Variants in NLK observed in about 807,000 individuals in gnomAD.
The protein encoded by NLK is serine/threonine-protein kinase NLK.
NLK carries 11 observed loss-of-function variants against 59.0 expected under a neutral mutation model. The ratio of observed to expected loss-of-function variants is 0.19; its 90% CI spans 0.12 to 0.31. The LOEUF (loss-of-function observed/expected upper bound fraction) is 0.31, where lower values mean the gene tolerates loss of function less well. Ranked by LOEUF, NLK falls within the 10% of genes least tolerant of loss-of-function variation. The pLI is 1.00. For synonymous variants in NLK, 235 were observed against 235.9 expected (o/e 1.00, Z 0.03); for missense variants, 410 against 661.1 (o/e 0.62, Z 4.16).
chr17:28,094,949 G>A (rs1167795894), intron 1 of NLK, among the ~76,000 whole-genome samples: 1 of 152,150 alleles, frequency 6.6e-6, no homozygotes, highest in East Asian at 1.9e-4. Flanking sequence ...GTAGTTCTCA[G>A]TCCACATATT....
chr17:28,044,708 C>G (rs563455181), intron 1 of NLK, among the ~76,000 whole-genome samples: 3 of 152,314 alleles, frequency 2.0e-5, no homozygotes, highest in South Asian at 4.1e-4. Context: ...GTGAACTTAT[C>G]CTTGCCTAAC....
At chr17:28,168,001 C>A (rs1441150602) in intron 5 of NLK, among the ~76,000 whole-genome samples, 11 of 151,756 alleles carry the variant, frequency 7.2e-5, no homozygotes, top group Non-Finnish European at 1.3e-4. Flanking sequence ...TGTATATTGA[C>A]ATAAATATAC....
At position 28,043,133 on chromosome 17, in the gene NLK, C is replaced by T. The variant is rs1396778592; in HGVS notation, c.260C>T (p.Pro87Leu). 6.2e-7 allele frequency: 1 copy of T among 1,610,198 alleles called. No homozygotes were observed. Among genetic ancestry groups the T allele is most frequent in the Non-Finnish European group, 8.5e-7 (1 of 1,178,166 alleles). The change falls in exon 1 of 11, where the codon CCT becomes CTT. Residue 87 changes from proline (P) to leucine (L), a missense_variant. Transcript: ENST00000407008. ...GCTGCAGCTGCAGCCATGTTAAACC[C>T]TGGGCAACAACAGCCATATTTCCCA... The part of the protein sequence containing the change: ...AAAAAAAMLN[P>L]GQQQPYFPSP...
At chr17:28,118,309 T>G (rs1905870381) in intron 1 of NLK, among the ~76,000 whole-genome samples, 2 of 152,280 alleles carry the variant, frequency 1.3e-5, no homozygotes, top group Non-Finnish European at 2.9e-5. Context: ...CAACTTTATG[T>G]GAATAGAATT....
chr17:28,111,903 GTGTGT>G (rs1905529839), intron 1 of NLK, among the ~76,000 whole-genome samples: 4 of 89,396 alleles, frequency 4.5e-5, no homozygotes, highest in Non-Finnish European at 1.0e-4. Flanking sequence ...TGTGGTGTGT[GTGTGT>G]GTGTGTGTGT....
At chr17:28,070,273 A>G (rs901010099) in intron 1 of NLK, among the ~76,000 whole-genome samples, 5 of 151,990 alleles carry the variant, frequency 3.3e-5, no homozygotes, top group African/African-American at 1.2e-4. Context: ...TGCCAAGGTC[A>G]TGAAACTATT....
chr17:28,126,224 C>G (rs1000967439), intron 2 of NLK, among the ~76,000 whole-genome samples: 1 of 152,148 alleles, frequency 6.6e-6, no homozygotes, highest in African/African-American at 2.4e-5. Flanking sequence ...AGCTGGACAA[C>G]CAAAACCTAG....
chr17:28,185,894 A>G (rs921101270), intron 8 of NLK, among the ~76,000 whole-genome samples: 3 of 152,234 alleles, frequency 2.0e-5, no homozygotes, highest in South Asian at 4.1e-4. Flanking sequence ...TATATTGCAT[A>G]AGGAAATGTT....
rs775149069 is a variant in NLK, at chr17:28,185,276, T to G, written c.1236+11T>G. 4.7e-5 allele frequency: 68 copies of G among 1,450,468 alleles called. No homozygotes were observed. Among genetic ancestry groups the G allele is most frequent in the Non-Finnish European group, 5.9e-5 (63 of 1,067,914 alleles). 89.8% of individuals were successfully genotyped at this position (1,450,468 alleles called of 1,614,324 possible). ...TTGGTCTTTGATCCAGTAAGTAGTG[T>G]TTTTTTTTATATATTTTTAATGAAT... On this transcript the variant is annotated intron_variant, in intron 8 of 10. Transcript: ENST00000407008.
At chr17:28,046,412 T>C (rs1053503083) in intron 1 of NLK, among the ~76,000 whole-genome samples, 1 of 152,222 alleles carries the variant, frequency 6.6e-6, no homozygotes, top group Non-Finnish European at 1.5e-5. Context: ...GTAATGTGAT[T>C]GTGGGATAAC....
At chr17:28,157,487 G>A (rs946406958) in intron 3 of NLK, among the ~76,000 whole-genome samples, 16 of 151,926 alleles carry the variant, frequency 1.1e-4, no homozygotes, top group Admixed American at 7.9e-4. Context: ...CACCGCACCC[G>A]GCCTATTTCT....
chr17:28,122,813 A>G, intron 2 of NLK, 81 bp downstream of exon 2: 1 of 1,510,824 alleles, frequency 6.6e-7, no homozygotes, highest in Non-Finnish European at 9.0e-7. Flanking sequence ...AAAGTTTAAA[A>G]GGGCACCTAT....
At chr17:28,159,123 A>G (rs1327738711) in intron 3 of NLK, among the ~76,000 whole-genome samples, 3 of 152,210 alleles carry the variant, frequency 2.0e-5, no homozygotes, top group African/African-American at 4.8e-5. Context: ...TGCAGAGGGA[A>G]TAGCTAAGGC....
intron 3 of NLK, among the ~76,000 whole-genome samples, chr17:28,156,981 A>G (rs1433532832): frequency 1.3e-5 from 2 of 152,148 alleles, no homozygotes; most frequent in Non-Finnish European, 2.9e-5. Context: ...TATAAAGAAC[A>G]TAGTGAACAT....
chr17:28,100,758 G>A (rs1904876175), intron 1 of NLK, among the ~76,000 whole-genome samples: 1 of 151,956 alleles, frequency 6.6e-6, no homozygotes, highest in Admixed American at 6.6e-5. Context: ...TTGCATCTTT[G>A]TGTTCTAGAA....
intron 1 of NLK, among the ~76,000 whole-genome samples, chr17:28,068,347 A>G (rs144853000): frequency 2.0e-4 from 30 of 152,276 alleles, no homozygotes; most frequent in East Asian, 7.7e-4. Flanking sequence ...TGCAGTAGTC[A>G]GAAGGGGGAA....
chr17:28,132,544 G>A, intron 2 of NLK, 76 bp from the exon 3 acceptor site: 1 of 1,073,062 alleles, frequency 9.3e-7, no homozygotes, highest in Non-Finnish European at 1.4e-6. Flanking sequence ...AGAGTTGTTA[G>A]TATTTACTTG....
intron 1 of NLK, among the ~76,000 whole-genome samples, chr17:28,068,112 G>T (rs1336966662): frequency 6.8e-6 from 1 of 148,020 alleles, no homozygotes; most frequent in African/African-American, 2.5e-5. Context: ...CCACACTCCA[G>T]CCTGGGCCAC....
At chr17:28,148,213 G>T (rs778579776) in intron 3 of NLK, among the ~76,000 whole-genome samples, 118 of 152,082 alleles carry the variant, frequency 7.8e-4, no homozygotes, top group Non-Finnish European at 1.5e-3. Flanking sequence ...TCTGTAAAGG[G>T]CTACTAGTCC....
Sources: gnomAD v4.1 joint callset for allele counts (sites outside exome capture counted in the v4.1 genomes callset) on GRCh38, gnomAD v4.1.1 for gene constraint, MANE v1.5 for transcripts, NCBI Gene and HGNC (gene_info 2026-07-23, HGNC 2026-07-21) for gene names.